Variants in CHST11 observed in about 807,000 individuals in gnomAD.
CHST11 encodes the protein carbohydrate sulfotransferase 11, also known as C4S-1.
In CHST11, 9 loss-of-function variants were observed where a neutral mutation model predicts 30.4. The observed-to-expected ratio is 0.30, with a 90% CI of 0.18 to 0.52. The LOEUF (loss-of-function observed/expected upper bound fraction) is 0.52, where lower values mean the gene tolerates loss of function less well. Ranked by LOEUF, CHST11 falls within the 20% of genes least tolerant of loss-of-function variation. The probability of loss-of-function intolerance (pLI) is 0.97; values close to 1 mark genes in which losing one functional copy is unlikely to be tolerated. For missense variants in CHST11, 348 were observed against 460.6 expected (o/e 0.76, Z 2.24); for synonymous variants, 152 against 187.8 (o/e 0.81, Z 1.56).
At chr12:104,548,736 C>T (rs1946861525) in intron 1 of CHST11, among the ~76,000 whole-genome samples, 2 of 152,166 alleles carry the variant, frequency 1.3e-5, no homozygotes, top group Admixed American at 1.3e-4. Flanking sequence ...TTGCTTGGGC[C>T]ATTCAGGTGT....
intron 1 of CHST11, among the ~76,000 whole-genome samples, chr12:104,464,495 A>T (rs537219595): frequency 6.6e-6 from 1 of 151,746 alleles, no homozygotes; most frequent in Non-Finnish European, 1.5e-5. Context: ...TCCTTTTTCA[A>T]TTTTTTAAAA....
intron 1 of CHST11, among the ~76,000 whole-genome samples, chr12:104,472,843 G>A (rs79697097): frequency 0.025 from 3,755 of 152,154 alleles, 121 homozygotes; most frequent in East Asian, 0.17. Flanking sequence ...GAAAGTTGAG[G>A]TTGGCACCGG....
chr12:104,554,056 G>A (rs73185486), intron 1 of CHST11, among the ~76,000 whole-genome samples: 2,583 of 152,246 alleles, frequency 0.017, 33 homozygotes, highest in Non-Finnish European at 0.027. Context: ...CAACAAGGCA[G>A]CTTACTTCAT....
rs1307596058 is a variant in CHST11, at chr12:104,472,424, C to T, written c.118+14895C>T. ...ACACACACACACACCCCTCTAAAGT[C>T]ATTTCAGGCCTCTAAGGTATCTTCA... On this transcript the variant is annotated intron_variant, in intron 1 of 2. Coordinates refer to ENST00000303694, the MANE Select transcript of CHST11 (RefSeq NM_018413.6). Among the ~76,000 whole-genome samples, 4 of 151,990 alleles carry T rather than the reference C, an allele frequency of 2.6e-5. No homozygotes were observed. In the South Asian group the frequency reaches 8.3e-4, roughly 32 times the overall value.
chr12:104,526,537 G>T (rs570606125), intron 1 of CHST11, among the ~76,000 whole-genome samples: 3 of 152,318 alleles, frequency 2.0e-5, no homozygotes, highest in African/African-American at 7.2e-5. Context: ...CCCCTGTGAG[G>T]TGTTAATGGG....
chr12:104,613,635 A>G (rs528588672), intron 2 of CHST11, among the ~76,000 whole-genome samples: 16 of 152,182 alleles, frequency 1.1e-4, no homozygotes, highest in African/African-American at 3.6e-4. Context: ...TTCGCCTTCT[A>G]CCATGATTGT....
chr12:104,693,422 G>T (rs1566040835), intron 2 of CHST11, among the ~76,000 whole-genome samples: 1 of 152,194 alleles, frequency 6.6e-6, no homozygotes, highest in Non-Finnish European at 1.5e-5. Context: ...GGGACACTTT[G>T]AGAGGGAAGG....
intron 1 of CHST11, among the ~76,000 whole-genome samples, chr12:104,524,258 A>G (rs1467046521): frequency 6.6e-6 from 1 of 152,110 alleles, no homozygotes; most frequent in Admixed American, 6.5e-5. Flanking sequence ...TGCATTCACC[A>G]TGTGTTTGTT....
intron 1 of CHST11, among the ~76,000 whole-genome samples, chr12:104,509,813 A>G (rs1236579218): frequency 1.3e-5 from 2 of 152,230 alleles, no homozygotes; most frequent in African/African-American, 2.4e-5. Context: ...GTGTTATTTA[A>G]GGTAACATGA....
chr12:104,584,056 T>C (rs1397800788), intron 1 of CHST11, among the ~76,000 whole-genome samples: 2 of 152,126 alleles, frequency 1.3e-5, no homozygotes. Flanking sequence ...TGGCTGCAGA[T>C]AGATAATTGT....
intron 2 of CHST11, among the ~76,000 whole-genome samples, chr12:104,617,771 T>A (rs1448402385): frequency 6.6e-6 from 1 of 152,200 alleles, no homozygotes; most frequent in Non-Finnish European, 1.5e-5. Context: ...TGCCTCAGTT[T>A]CTTTCTATGT....
At chr12:104,488,173 G>A (rs925674771) in intron 1 of CHST11, among the ~76,000 whole-genome samples, 6 of 151,994 alleles carry the variant, frequency 3.9e-5, no homozygotes, top group African/African-American at 1.5e-4. Flanking sequence ...AGCTTGTTAG[G>A]GGCCCAGGGC....
At chr12:104,742,364 C>T (rs1030015888) in intron 2 of CHST11, among the ~76,000 whole-genome samples, 5 of 152,102 alleles carry the variant, frequency 3.3e-5, no homozygotes, top group Admixed American at 6.5e-5. Flanking sequence ...GGGAGGTTGA[C>T]GGCCTCCCTG....
intron 1 of CHST11, among the ~76,000 whole-genome samples, chr12:104,466,463 C>T (rs1488810202): frequency 2.0e-5 from 3 of 152,216 alleles, no homozygotes; most frequent in African/African-American, 4.8e-5. Flanking sequence ...AAAAAACCCT[C>T]GTGACCCCAT....
chr12:104,690,544 G>T (rs1458356774), intron 2 of CHST11, among the ~76,000 whole-genome samples: 1 of 152,186 alleles, frequency 6.6e-6, no homozygotes, highest in Admixed American at 6.5e-5. Context: ...AGAGATACGA[G>T]ACTGGGCGCG....
intron 1 of CHST11, among the ~76,000 whole-genome samples, chr12:104,460,434 C>T (rs919355499): frequency 2.6e-5 from 4 of 152,052 alleles, no homozygotes; most frequent in Admixed American, 1.3e-4. Flanking sequence ...GAGGCTGAGG[C>T]GGGTGCATCA....
At chr12:104,475,815 A>ATC (rs2037555035) in intron 1 of CHST11, among the ~76,000 whole-genome samples, 1 of 144,912 alleles carries the variant, frequency 6.9e-6, no homozygotes, top group Admixed American at 7.1e-5. Flanking sequence ...ATATGTATAT[A>ATC]TCCATGGAAA....
At chr12:104,642,288 T>C (rs532501318) in intron 2 of CHST11, among the ~76,000 whole-genome samples, 38 of 152,174 alleles carry the variant, frequency 2.5e-4, no homozygotes, top group African/African-American at 9.1e-4. Context: ...TGAAAAAAAA[T>C]GCTCATGAGA....
At chr12:104,548,621 T>C (rs2038375542) in intron 1 of CHST11, among the ~76,000 whole-genome samples, 1 of 152,246 alleles carries the variant, frequency 6.6e-6, no homozygotes, top group African/African-American at 2.4e-5. Context: ...TCCCTCCTAA[T>C]GATCTTCCCT....
Sources: allele counts gnomAD v4.1 joint callset (sites outside exome capture counted in the v4.1 genomes callset), GRCh38; gene constraint gnomAD v4.1.1; transcripts MANE v1.5; gene names NCBI Gene and HGNC (gene_info 2026-07-23, HGNC 2026-07-21).